PRR16: variants seen among roughly 807,000 people sequenced by gnomAD.
The protein encoded by PRR16 is protein Largen.
PRR16 carries 6 observed loss-of-function variants against 18.2 expected under a neutral mutation model. The ratio of observed to expected loss-of-function variants is 0.33; its 90% CI spans 0.18 to 0.65. PRR16 has a LOEUF of 0.65. PRR16 is among the 30% of genes least tolerant of loss of function. PRR16 has a pLI of 0.74. For synonymous variants in PRR16, 151 were observed against 147.8 expected, an observed-to-expected ratio of 1.02 and a Z score of -0.16; for missense variants, 412 against 376.6, an observed-to-expected ratio of 1.09 and a Z score of -0.78.
At chr5:120,732,362 G>A in the PRR16 span, among the ~76,000 whole-genome samples, 1 of 152,112 alleles carries the variant, frequency 6.6e-6, no homozygotes, top group South Asian at 2.1e-4. Flanking sequence ...ATCTGAAGAC[G>A]AGGGAGTGGG....
chr5:120,690,799 CAGG>C (rs1159387648), downstream of PRR16, among the ~76,000 whole-genome samples: 9 of 152,074 alleles, frequency 5.9e-5, no homozygotes, highest in Non-Finnish European at 8.8e-5. Flanking sequence ...TATCTTGAAT[CAGG>C]AGTAGCAATT....
intron 1 of PRR16, among the ~76,000 whole-genome samples, chr5:120,530,374 A>G (rs1308545219): frequency 6.7e-6 from 1 of 149,488 alleles, no homozygotes; most frequent in African/African-American, 2.5e-5. Context: ...GTAAGCTGTC[A>G]GTATACATGA....
chr5:120,557,281 G>GA (rs1434440876), intron 1 of PRR16, among the ~76,000 whole-genome samples: 1 of 151,864 alleles, frequency 6.6e-6, no homozygotes, highest in East Asian at 1.9e-4. Context: ...TTGTAAAATT[G>GA]AAATTCTAGA....
intron 1 of PRR16, among the ~76,000 whole-genome samples, chr5:120,649,692 T>C (rs1227904072): frequency 6.6e-6 from 1 of 152,124 alleles, no homozygotes; most frequent in Non-Finnish European, 1.5e-5. Flanking sequence ...GGTTATTAGA[T>C]TAAGAAAATA....
chr5:120,569,781 A>C (rs148981417), intron 1 of PRR16, among the ~76,000 whole-genome samples: 28 of 152,274 alleles, frequency 1.8e-4, no homozygotes, highest in East Asian at 1.4e-3. Context: ...CAGAGGTAGA[A>C]AATAATACAT....
the PRR16 span, among the ~76,000 whole-genome samples, chr5:120,703,599 A>T: frequency 6.6e-6 from 1 of 152,248 alleles, no homozygotes; most frequent in African/African-American, 2.4e-5. Flanking sequence ...GAACAATCAG[A>T]TGTAAAGTGC....
In PRR16 at chr5:120,473,324, G is replaced by A. The variant is rs569777668; in HGVS notation, c.159+8679G>A. 2.1e-4 allele frequency among the ~76,000 whole-genome samples: 32 copies of A among 152,200 alleles called. No individual in the cohort carries two copies. In the East Asian group the frequency reaches 5.8e-3, roughly 28 times the overall value. On this transcript the variant is annotated intron_variant, in intron 1 of 1. Coordinates refer to ENST00000407149, the MANE Select transcript of PRR16 (RefSeq NM_001300783.2). Reference sequence around the variant, plus strand: ...ATTTGGGGTTATCTTTTGTTTTAAAGAATAGGAGAATTTTTAGTCTGTGTT... The same window carrying A: ...ATTTGGGGTTATCTTTTGTTTTAAAAAATAGGAGAATTTTTAGTCTGTGTT...
chr5:120,783,065 T>C, the PRR16 span, among the ~76,000 whole-genome samples: 1 of 152,170 alleles, frequency 6.6e-6, no homozygotes, highest in Non-Finnish European at 1.5e-5. Context: ...GTGCTCGCAC[T>C]GCTCTCAGAC....
chr5:120,503,988 C>G (rs955541908), intron 1 of PRR16, among the ~76,000 whole-genome samples: 1 of 151,830 alleles, frequency 6.6e-6, no homozygotes, highest in Non-Finnish European at 1.5e-5. Flanking sequence ...TTTATGGCTG[C>G]ATAGTATTCC....
chr5:120,780,189 C>G, the PRR16 span, among the ~76,000 whole-genome samples: 2 of 152,192 alleles, frequency 1.3e-5, no homozygotes, highest in East Asian at 3.8e-4. Flanking sequence ...CCAAAAACAT[C>G]ACATCCTACC....
At chr5:120,773,762 G>T in the PRR16 span, among the ~76,000 whole-genome samples, 1 of 152,014 alleles carries the variant, frequency 6.6e-6, no homozygotes, top group African/African-American at 2.4e-5. Flanking sequence ...AAGTAAATGA[G>T]TACAGGGAAC....
At chr5:120,663,234 T>G (rs1394355758) in intron 1 of PRR16, among the ~76,000 whole-genome samples, 1 of 152,152 alleles carries the variant, frequency 6.6e-6, no homozygotes, top group Admixed American at 6.6e-5. Flanking sequence ...TGATAGTATT[T>G]CAAACTCAAC....
rs190451684 is a variant in PRR16, at chr5:120,480,905, G to T, written c.159+16260G>T. 6.3e-3 allele frequency among the ~76,000 whole-genome samples: 965 copies of T among 152,174 alleles called. 49 individuals are homozygous for T. The highest frequency in any genetic ancestry group is 0.057 in the Admixed American group (872 of 15,262). ...TTATTAAGAAACTTTGATTTCCTAT[G>T]CAATTATAATATTAAATATTCTTTT... is the stretch of plus-strand genomic sequence containing the variant. On this transcript the variant is annotated intron_variant, in intron 1 of 1. Coordinates refer to ENST00000407149, the MANE Select transcript of PRR16 (RefSeq NM_001300783.2).
At chr5:120,572,596 A>G (rs907789218) in intron 1 of PRR16, among the ~76,000 whole-genome samples, 2 of 152,082 alleles carry the variant, frequency 1.3e-5, no homozygotes, top group Non-Finnish European at 2.9e-5. Flanking sequence ...GAGCAGAGAG[A>G]TATTTGTGTA....
chr5:120,572,601 T>G (rs1355823954), intron 1 of PRR16, among the ~76,000 whole-genome samples: 1 of 152,086 alleles, frequency 6.6e-6, no homozygotes, highest in Non-Finnish European at 1.5e-5. Context: ...GAGAGATATT[T>G]GTGTATAGAT....
chr5:120,762,485 ATGT>A, the PRR16 span, among the ~76,000 whole-genome samples: 2 of 151,900 alleles, frequency 1.3e-5, no homozygotes, highest in African/African-American at 4.8e-5. Flanking sequence ...ATGTTGACTA[ATGT>A]TGTTTTTTGT....
chr5:120,764,860 G>T, the PRR16 span, among the ~76,000 whole-genome samples: 1 of 151,908 alleles, frequency 6.6e-6, no homozygotes, highest in Non-Finnish European at 1.5e-5. Flanking sequence ...GTTCTACTTT[G>T]AAATTTAAAT....
At chr5:120,680,765 C>T (rs1353098152) in intron 1 of PRR16, among the ~76,000 whole-genome samples, 1 of 152,138 alleles carries the variant, frequency 6.6e-6, no homozygotes, top group Non-Finnish European at 1.5e-5. Context: ...GTTGTTTTCT[C>T]AAGTTTGCAT....
At chr5:120,762,384 GACA>G in the PRR16 span, among the ~76,000 whole-genome samples, 2 of 152,150 alleles carry the variant, frequency 1.3e-5, no homozygotes, top group Admixed American at 6.5e-5. Flanking sequence ...ATCTATTTTT[GACA>G]ACACCTTTTC....
Sources: allele counts gnomAD v4.1 joint callset (sites outside exome capture counted in the v4.1 genomes callset), GRCh38; gene constraint gnomAD v4.1.1; transcripts MANE v1.5; gene names NCBI Gene and HGNC (gene_info 2026-07-23, HGNC 2026-07-21).